PLA2G4A: variants seen among roughly 807,000 people sequenced by gnomAD.
PLA2G4A encodes the protein cytosolic phospholipase A2.
Under a neutral mutation model 81.9 loss-of-function variants are expected in PLA2G4A, and 40 were observed. That is an observed-to-expected ratio of 0.49 (90% CI 0.38 to 0.64). The LOEUF is 0.64. PLA2G4A is among the 30% of genes least tolerant of loss of function. The pLI, the probability that PLA2G4A is intolerant of heterozygous loss-of-function variation, is 0.00. For missense variants in PLA2G4A, 715 were observed against 905.1 expected, an observed-to-expected ratio of 0.79 and a Z score of 2.69; for synonymous variants, 302 against 296.9, an observed-to-expected ratio of 1.02 and a Z score of -0.18.
intron 8 of PLA2G4A, among the ~76,000 whole-genome samples, chr1:186,938,216 A>G (rs1371319618): frequency 6.6e-6 from 1 of 152,136 alleles, no homozygotes; most frequent in African/African-American, 2.4e-5. Flanking sequence ...AGGGAAACAG[A>G]TAAGTAAACG....
In PLA2G4A at chr1:186,960,442, G is replaced by A. The variant is rs141679205; in HGVS notation, c.1579+4098G>A. Among the ~76,000 whole-genome samples the A allele has an allele frequency of 2.4e-3, 360 of 152,230 alleles. 1 individual carries two copies. The highest frequency in any genetic ancestry group is 8.1e-3 in the African/African-American group (337 of 41,526). ...CACAACCGCATTAATTCATTCACAC[G>A]TTTAGAAACCTTGTACGTTTTAAAT... On this transcript the variant is annotated intron_variant, in intron 14 of 17. Coordinates refer to ENST00000367466, the MANE Select transcript of PLA2G4A (RefSeq NM_024420.3).
chr1:186,981,536 AAT>A (rs372775739), intron 17 of PLA2G4A, among the ~76,000 whole-genome samples: 36 of 152,326 alleles, frequency 2.4e-4, no homozygotes, highest in African/African-American at 7.2e-4. Flanking sequence ...CAGTTTTAAA[AAT>A]ATGTTTTCAC....
At chr1:186,917,500 C>T (rs1051740844) in intron 7 of PLA2G4A, among the ~76,000 whole-genome samples, 5 of 152,130 alleles carry the variant, frequency 3.3e-5, no homozygotes, top group Non-Finnish European at 4.4e-5. Context: ...TTTGATAGTC[C>T]GATTCATTCG....
At chr1:186,938,896 A>C in intron 8 of PLA2G4A, 112 bp from the exon 9 acceptor site, 1 of 720,332 alleles carries the variant, frequency 1.4e-6, no homozygotes, top group East Asian at 2.6e-5. Context: ...TCAGATAATG[A>C]AGTTAACCAA....
chr1:186,958,859 C>T (rs763111597), intron 14 of PLA2G4A, among the ~76,000 whole-genome samples: 10 of 151,984 alleles, frequency 6.6e-5, no homozygotes, highest in Non-Finnish European at 1.2e-4. Context: ...TTGGGGTTAC[C>T]AGATAAAATA....
At chr1:186,916,058 C>T (rs186809872) in intron 7 of PLA2G4A, among the ~76,000 whole-genome samples, 46 of 152,284 alleles carry the variant, frequency 3.0e-4, no homozygotes, top group Non-Finnish European at 4.1e-4. Context: ...GGCTGGGCTA[C>T]ACACTCGGCT....
chr1:186,987,130 A>G (rs570251921), intron 17 of PLA2G4A, among the ~76,000 whole-genome samples: 1 of 152,342 alleles, frequency 6.6e-6, no homozygotes, highest in Non-Finnish European at 1.5e-5. Flanking sequence ...CTGGGACATA[A>G]AGTCACAGAA....
chr1:186,870,866 T>A (rs2102060018), intron 3 of PLA2G4A: 1 of 567,282 alleles, frequency 1.8e-6, no homozygotes, highest in East Asian at 4.3e-5. Flanking sequence ...TTTGTCTGGA[T>A]CTTTGAACGA....
intron 3 of PLA2G4A, among the ~76,000 whole-genome samples, chr1:186,877,010 T>C (rs1467905261): frequency 1.3e-5 from 2 of 152,058 alleles, no homozygotes; most frequent in African/African-American, 2.4e-5. Context: ...TCTTCCTATT[T>C]GTAAATATTG....
chr1:186,882,780 C>T, intron 3 of PLA2G4A, among the ~76,000 whole-genome samples: 1 of 151,980 alleles, frequency 6.6e-6, no homozygotes, highest in East Asian at 1.9e-4. Context: ...AGAGGTGGTG[C>T]TTAGTTGAAT....
intron 5 of PLA2G4A, among the ~76,000 whole-genome samples, chr1:186,903,020 G>A (rs1427063885): frequency 1.3e-5 from 2 of 152,114 alleles, no homozygotes; most frequent in Non-Finnish European, 2.9e-5. Context: ...CACTTGGATT[G>A]CCTCCTTGTC....
intron 12 of PLA2G4A, among the ~76,000 whole-genome samples, chr1:186,950,349 C>T (rs952150870): frequency 2.0e-5 from 3 of 152,168 alleles, no homozygotes; most frequent in African/African-American, 7.2e-5. Flanking sequence ...TTTGGTATAA[C>T]AAGGAGCTTC....
intron 14 of PLA2G4A, among the ~76,000 whole-genome samples, chr1:186,962,498 A>AT (rs1656988543): frequency 9.3e-5 from 11 of 117,680 alleles, no homozygotes; most frequent in African/African-American, 6.6e-4. Context: ...TTATTTATTT[A>AT]TTTATTTATT....
At chr1:186,830,957 GCTTTCTTTCTTTCTTT>G (rs71104890) in intron 1 of PLA2G4A, among the ~76,000 whole-genome samples, 2,193 of 82,638 alleles carry the variant, frequency 0.027, 36 homozygotes, top group African/African-American at 0.055. Context: ...TTGCTTGCTT[GCTTTCTTTCTTTCTTT>G]CTTTCTTTCT....
chr1:186,829,829 C>A lies in PLA2G4A; in HGVS notation c.-70+794C>A, dbSNP rs966772117. On this transcript the variant is annotated intron_variant, in intron 1 of 17. Coordinates refer to ENST00000367466, the MANE Select transcript of PLA2G4A (RefSeq NM_024420.3). ...TTTAGTCTTAAAAATAAATTCACCTCCAAAACCAGAACAAGAAATACTCCT... is the reference window on the plus strand; with the variant it reads ...TTTAGTCTTAAAAATAAATTCACCTACAAAACCAGAACAAGAAATACTCCT... Among the ~76,000 whole-genome samples the A allele has an allele frequency of 2.6e-5, 4 of 152,170 alleles. No individual in the cohort carries two copies. The East Asian group carries it at 7.7e-4, about 29-fold the overall frequency.
At chr1:186,857,126 TAA>T in intron 2 of PLA2G4A, among the ~76,000 whole-genome samples, 1 of 40,472 alleles carries the variant, frequency 2.5e-5, no homozygotes, top group Middle Eastern at 0.013. Flanking sequence ...TAATATTCTA[TAA>T]TATATATTAT....
At position 186,981,393 on chromosome 1, in the gene PLA2G4A, A is replaced by G. The variant is rs115813007; in HGVS notation, c.2118+1921A>G. ...AGTTTTATTTATATATTTTACAAAC[A>G]TTCTTCAAAGTAGTTTGTTTGACAC... On this transcript the variant is annotated intron_variant, in intron 17 of 17. Transcript: ENST00000367466. 5.5e-3 allele frequency among the ~76,000 whole-genome samples: 843 copies of G among 152,330 alleles called. 8 individuals carry two copies. Among genetic ancestry groups the G allele is most frequent in the African/African-American group, 0.018 (762 of 41,580 alleles).
At chr1:186,937,740 AT>A (rs66807128) in intron 8 of PLA2G4A, among the ~76,000 whole-genome samples, 56,095 of 103,800 alleles carry the variant, frequency 0.54, 12,004 homozygotes, top group East Asian at 0.63. Flanking sequence ...TAAAAAAAAA[AT>A]AGCCTACTGG....
intron 3 of PLA2G4A, among the ~76,000 whole-genome samples, chr1:186,885,572 C>T (rs540148386): frequency 1.1e-4 from 16 of 152,122 alleles, no homozygotes; most frequent in African/African-American, 3.9e-4. Context: ...TATTCAGCGG[C>T]TTATAGAATA....
Sources: gnomAD v4.1 joint callset for allele counts (sites outside exome capture counted in the v4.1 genomes callset) on GRCh38, gnomAD v4.1.1 for gene constraint, MANE v1.5 for transcripts, NCBI Gene and HGNC (gene_info 2026-07-23, HGNC 2026-07-21) for gene names.